Variants in ABLIM3 observed in about 807,000 individuals in gnomAD.
ABLIM3 encodes actin binding LIM protein family member 3, also known as actin-binding LIM protein 3.
ABLIM3 carries 61 observed loss-of-function variants against 109.5 expected under a neutral mutation model. The observed-to-expected ratio is 0.56, with a 90% CI of 0.45 to 0.69. The LOEUF is 0.69. ABLIM3 is among the 30% of genes least tolerant of loss of function. ABLIM3 has a pLI of 0.00. For synonymous variants in ABLIM3, 300 were observed against 324.8 expected (o/e 0.92, Z 0.82); for missense variants, 796 against 889.5 (o/e 0.89, Z 1.34).
intron 5 of ABLIM3, among the ~76,000 whole-genome samples, chr5:149,203,761 A>T (rs1402275770): frequency 6.6e-6 from 1 of 152,100 alleles, no homozygotes; most frequent in East Asian, 1.9e-4. Context: ...GTCAACACCA[A>T]CAATATCAGC....
In ABLIM3 at chr5:149,258,394, G is replaced by T; in HGVS notation, c.2042G>T (p.Arg681Leu). The change falls in exon 24 of 24, where the codon CGG becomes CTG. Residue 681 changes from arginine to leucine, a missense_variant. Arg to Leu is a moderately radical substitution (Grantham distance 102, BLOSUM62 -2). Transcript: ENST00000309868. Reference sequence around the variant, plus strand: ...AGGAATGAACTGAAGAAGCAAGCCCGGCTGTTCTAGGCAGAGGCTCTATAA... The same window carrying T: ...AGGAATGAACTGAAGAAGCAAGCCCTGCTGTTCTAGGCAGAGGCTCTATAA... ...WKRNELKKQA[R>L]LF The T allele has an allele frequency of 6.2e-7, 1 of 1,613,818 alleles. No homozygotes were observed.
intron 23 of ABLIM3, among the ~76,000 whole-genome samples, chr5:149,254,813 CCA>C (rs1754284809): frequency 3.9e-5 from 6 of 152,240 alleles, no homozygotes; most frequent in Admixed American, 2.0e-4. Context: ...TCAGAATCAC[CCA>C]GGGACCTTTT....
At chr5:149,180,043 T>G (rs1756324695) in intron 2 of ABLIM3, among the ~76,000 whole-genome samples, 1 of 152,198 alleles carries the variant, frequency 6.6e-6, no homozygotes, top group Admixed American at 6.5e-5. Context: ...ATCTATAAGG[T>G]CTAAATGTGG....
At chr5:149,247,054 G>A (rs1753449614) in intron 17 of ABLIM3, among the ~76,000 whole-genome samples, 2 of 152,208 alleles carry the variant, frequency 1.3e-5, no homozygotes, top group Admixed American at 6.5e-5. Context: ...TAATCCAAAT[G>A]TCCATCAGCT....
chr5:149,196,544 G>A (rs1308459577), intron 3 of ABLIM3, among the ~76,000 whole-genome samples: 1 of 152,216 alleles, frequency 6.6e-6, no homozygotes, highest in Non-Finnish European at 1.5e-5. Flanking sequence ...TGGTGGCCTG[G>A]CCAGCACCTG....
chr5:149,141,884 C>A, intron 1 of ABLIM3, 125 bp from the exon 2 acceptor site: 1 of 673,934 alleles, frequency 1.5e-6, no homozygotes, highest in South Asian at 1.8e-5. Context: ...TTGCTCTCAC[C>A]TGCGCCTATT....
intron 2 of ABLIM3, among the ~76,000 whole-genome samples, chr5:149,173,841 G>A (rs868573579): frequency 9.2e-5 from 14 of 152,198 alleles, no homozygotes; most frequent in Middle Eastern, 3.4e-3. Context: ...CTAACACGGT[G>A]AAACCCCGTC....
At chr5:149,251,558 T>C (rs1410307481) in intron 21 of ABLIM3, 139 bp downstream of exon 21, 1 of 946,372 alleles carries the variant, frequency 1.1e-6, no homozygotes, top group East Asian at 2.7e-5. Context: ...GTTCTTACTC[T>C]CTTTCACTTC....
At chr5:149,197,977 T>C (rs1216383265) in intron 3 of ABLIM3, among the ~76,000 whole-genome samples, 1 of 151,988 alleles carries the variant, frequency 6.6e-6, no homozygotes, top group Non-Finnish European at 1.5e-5. Context: ...CTGATGCTAG[T>C]GGCCTACTGG....
At chr5:149,219,717 C>T (rs1760452656) in intron 8 of ABLIM3, 1 of 152,248 alleles carries the variant, frequency 6.6e-6, no homozygotes, top group African/African-American at 2.4e-5. Flanking sequence ...TTATGAGGCT[C>T]AGCAACCTGC....
chr5:149,215,836 T>C (rs937337043), intron 7 of ABLIM3, among the ~76,000 whole-genome samples: 1 of 152,176 alleles, frequency 6.6e-6, no homozygotes, highest in African/African-American at 2.4e-5. Context: ...GCTGGGATTT[T>C]GGTGTTAGAA....
intron 3 of ABLIM3, among the ~76,000 whole-genome samples, chr5:149,190,896 G>A (rs1173994638): frequency 2.6e-5 from 4 of 152,034 alleles, no homozygotes; most frequent in Non-Finnish European, 5.9e-5. Context: ...TCTTGAAACC[G>A]AAAGATAACA....
intron 10 of ABLIM3, among the ~76,000 whole-genome samples, chr5:149,233,591 T>G (rs368742345): frequency 2.6e-5 from 4 of 152,290 alleles, no homozygotes; most frequent in African/African-American, 9.6e-5. Flanking sequence ...CTTGCTGAGT[T>G]CTAAAACCAA....
chr5:149,232,339 TGA>T (rs553625794), intron 9 of ABLIM3, among the ~76,000 whole-genome samples: 1 of 152,120 alleles, frequency 6.6e-6, no homozygotes, highest in Non-Finnish European at 1.5e-5. Context: ...TGACAATTGT[TGA>T]GAGAGTTGTT....
At chr5:149,228,056 C>T (rs1761495793) in intron 8 of ABLIM3, among the ~76,000 whole-genome samples, 1 of 152,136 alleles carries the variant, frequency 6.6e-6, no homozygotes, top group South Asian at 2.1e-4. Flanking sequence ...GTAAACATCC[C>T]TTAGTGTAAG....
chr5:149,197,140 G>A (rs982294100), intron 3 of ABLIM3, among the ~76,000 whole-genome samples: 29 of 152,164 alleles, frequency 1.9e-4, no homozygotes, highest in African/African-American at 6.0e-4. Flanking sequence ...AAACGTCCAC[G>A]GCTCTTCAGT....
chr5:149,252,761 A>G lies in ABLIM3; in HGVS notation c.1862A>G (p.Tyr621Cys). The G allele has an allele frequency of 6.2e-7, 1 of 1,612,844 alleles. No homozygotes were observed. ...ACCACCCCCCTTTCTCCTTAGATCT[A>G]CCCTTATGAACTGCTGCTGGTGACT... Reference protein sequence around the residue: ...VNWGMREYKIYPYELLLVTTR... With the variant: ...VNWGMREYKICPYELLLVTTR... The change falls in exon 23 of 24, where the codon TAC (tyrosine) becomes TGC (cysteine). Residue 621 changes from tyrosine to cysteine, a missense_variant. Tyr to Cys is a radical substitution (Grantham distance 194). Transcript: ENST00000309868.
rs958534846 is a variant in ABLIM3 at position 149,199,206 on chromosome 5, T to A, written c.335+804T>A. The A allele has an allele frequency of 6.0e-5, 27 of 447,068 alleles. 1 individual carries two copies. The highest frequency in any genetic ancestry group is 3.4e-4 in the South Asian group (21 of 62,402). The allele number at this position is 447,068 out of a possible 1,614,324, so 27.7% of individuals were successfully genotyped here. ...AAGCTCAGCCCTACCCACAAATACA[T>A]TAAATGTTAATGGACAGCTCTGATT... On this transcript the variant is annotated intron_variant, in intron 4 of 23. Transcript: ENST00000309868.
At chr5:149,240,395 CA>C (rs1220729155) in intron 13 of ABLIM3, 3 of 501,880 alleles carry the variant, frequency 6.0e-6, no homozygotes, top group Non-Finnish European at 1.1e-5. Context: ...ATAAGAGGTT[CA>C]AACTAACATG....
Sources: gnomAD v4.1 joint callset for allele counts (sites outside exome capture counted in the v4.1 genomes callset) on GRCh38, gnomAD v4.1.1 for gene constraint, MANE v1.5 for transcripts, NCBI Gene and HGNC (gene_info 2026-07-23, HGNC 2026-07-21) for gene names.